The following MARK3 variants were observed in gnomAD, a reference collection of about 807,000 sequenced individuals.
MARK3 encodes microtubule affinity regulating kinase 3.
In MARK3, 46 loss-of-function variants were observed where a neutral mutation model predicts 90.1. The ratio of observed to expected loss-of-function variants is 0.51; its 90% CI spans 0.40 to 0.65. MARK3 has a LOEUF of 0.65. Among genes scored for constraint, MARK3 ranks in the 30% least tolerant of loss-of-function variants. The probability of loss-of-function intolerance (pLI) is 0.00; values close to 1 mark genes in which losing one functional copy is unlikely to be tolerated. For synonymous variants in MARK3, 321 were observed against 332.6 expected (o/e 0.97, Z 0.38); for missense variants, 818 against 947.2 (o/e 0.86, Z 1.79).
intron 2 of MARK3, among the ~76,000 whole-genome samples, chr14:103,423,939 C>T (rs965616125): frequency 4.6e-5 from 7 of 152,194 alleles, no homozygotes; most frequent in Admixed American, 3.9e-4. Flanking sequence ...GGCGCGATGG[C>T]TCATGCCTGT....
chr14:103,400,015 G>A (rs1241314197), intron 1 of MARK3, among the ~76,000 whole-genome samples: 1 of 150,460 alleles, frequency 6.6e-6, no homozygotes, highest in Non-Finnish European at 1.5e-5. Flanking sequence ...TGCAACTGTC[G>A]CCTCCCTTGT....
At chr14:103,492,952 G>T (rs17617994) in intron 15 of MARK3, among the ~76,000 whole-genome samples, 15,822 of 152,238 alleles carry the variant, frequency 0.1, 1,043 homozygotes, top group Middle Eastern at 0.19. Flanking sequence ...AGCTGTGGAT[G>T]AGTCTGTCTG....
chr14:103,489,015 G>C (rs1461608935), intron 14 of MARK3, among the ~76,000 whole-genome samples: 3 of 152,188 alleles, frequency 2.0e-5, no homozygotes, highest in Non-Finnish European at 4.4e-5. Context: ...TTACACTGGT[G>C]GGGGGCACAT....
At chr14:103,466,135 T>C (rs1037231946) in intron 9 of MARK3, 44 bp downstream of exon 9, 3 of 1,604,350 alleles carry the variant, frequency 1.9e-6, no homozygotes, top group East Asian at 2.2e-5. Context: ...GGAGAGTCTT[T>C]AGAGTGACCT....
chr14:103,428,406 A>T lies in MARK3; in HGVS notation c.263A>T (p.Asp88Val). The T allele has an allele frequency of 6.7e-7, 1 of 1,493,004 alleles. No homozygotes were observed. The highest frequency in any genetic ancestry group is 9.1e-7 in the Non-Finnish European group (1 of 1,101,174). 92.5% of individuals were successfully genotyped at this position (1,493,004 alleles called of 1,614,324 possible). Residue 88 changes from aspartate to valine, a missense_variant, in exon 3 of 18, where the codon GAC becomes GTC. Transcript: ENST00000429436. ...TTCTAGGTTGCAATAAAAATAATTG[A>T]CAAAACTCAGTTGAATCCAACAAGT... The part of the protein sequence containing the change: ...TGREVAIKII[D>V]KTQLNPTSLQ...
chr14:103,457,244 T>C, intron 6 of MARK3, 32 bp downstream of exon 6: 1 of 1,471,518 alleles, frequency 6.8e-7, no homozygotes, highest in South Asian at 1.1e-5. Context: ...CTATGTCAAT[T>C]TGATAATTTA....
At chr14:103,448,616 G>A (rs1488754962) in intron 3 of MARK3, among the ~76,000 whole-genome samples, 1 of 152,136 alleles carries the variant, frequency 6.6e-6, no homozygotes. Context: ...TTATTCCTGC[G>A]TAAGTCTGAT....
chr14:103,390,861 A>G (rs2090191253), intron 1 of MARK3, among the ~76,000 whole-genome samples: 1 of 152,010 alleles, frequency 6.6e-6, no homozygotes, highest in South Asian at 2.1e-4. Context: ...GGCGTGCCCC[A>G]CCACATGCAT....
chr14:103,440,286 C>T (rs934813822), intron 3 of MARK3, among the ~76,000 whole-genome samples: 3 of 152,168 alleles, frequency 2.0e-5, no homozygotes, highest in African/African-American at 7.2e-5. Flanking sequence ...TCTGTGTGTC[C>T]TGGCACACTT....
intron 3 of MARK3, among the ~76,000 whole-genome samples, chr14:103,448,136 G>A (rs919172822): frequency 6.6e-6 from 1 of 152,096 alleles, no homozygotes; most frequent in Non-Finnish European, 1.5e-5. Flanking sequence ...GGTTTGGCAG[G>A]GGCTGGATGC....
chr14:103,500,060 T>TA, intron 16 of MARK3, 96 bp from the exon 17 acceptor site: 2 of 930,492 alleles, frequency 2.1e-6, no homozygotes, highest in Non-Finnish European at 1.7e-6. Context: ...TTGTTCATTT[T>TA]ATGGTGTTGG....
At chr14:103,443,983 C>A (rs961208023) in intron 3 of MARK3, among the ~76,000 whole-genome samples, 3 of 151,830 alleles carry the variant, frequency 2.0e-5, no homozygotes, top group Non-Finnish European at 2.9e-5. Flanking sequence ...GAGAAGGGAG[C>A]CTGAACACCT....
At chr14:103,389,943 CAAAA>C (rs71126011) in intron 1 of MARK3, among the ~76,000 whole-genome samples, 5 of 29,614 alleles carry the variant, frequency 1.7e-4, no homozygotes, top group African/African-American at 4.0e-4. Context: ...TACTCCGTCT[CAAAA>C]AAAAAAAAAA....
At chr14:103,431,980 C>G (rs551045914) in intron 3 of MARK3, among the ~76,000 whole-genome samples, 4 of 151,850 alleles carry the variant, frequency 2.6e-5, no homozygotes, top group African/African-American at 9.7e-5. Context: ...ATTGTTTCCC[C>G]CCTCCCACCT....
intron 3 of MARK3, among the ~76,000 whole-genome samples, chr14:103,446,655 C>T (rs764136911): frequency 1.3e-5 from 2 of 150,678 alleles, no homozygotes; most frequent in Non-Finnish European, 2.9e-5. Flanking sequence ...GTTTCATTCT[C>T]AGTGCTGTGT....
At position 103,480,428 on chromosome 14, in the gene MARK3, T is replaced by G. The variant is rs375161932; in HGVS notation, c.1524T>G (p.Tyr508Ter). ...GTGGAATGACACGACGAAATACTTATGTTTGCAGTGAGAGAACTACAGCTG... is the reference window on the plus strand; with the variant it reads ...GTGGAATGACACGACGAAATACTTAGGTTTGCAGTGAGAGAACTACAGCTG... ...ASGGMTRRNTYVCSERTTADR... is the reference protein window; with the variant it reads ...ASGGMTRRNT Residue 508 changes from tyrosine (Y) to a stop codon, truncating the protein, a stop_gained, in exon 14 of 18, where the codon TAT (tyrosine) becomes TAG (stop). Coordinates refer to ENST00000429436, the MANE Select transcript of MARK3 (RefSeq NM_001128918.3). LOFTEE classifies it high-confidence loss of function. 2 of 1,613,778 alleles carry G rather than the reference T, an allele frequency of 1.2e-6. No individual in the cohort carries two copies. Among genetic ancestry groups the G allele is most frequent in the South Asian group, 2.2e-5 (2 of 91,048 alleles).
At chr14:103,462,289 C>T (rs1260478633) in intron 6 of MARK3, 116 bp from the exon 7 acceptor site, 1 of 646,952 alleles carries the variant, frequency 1.5e-6, no homozygotes, top group Non-Finnish European at 2.6e-6. Flanking sequence ...TAGAAATCCA[C>T]ACGGACATTC....
chr14:103,466,517 C>A, intron 10 of MARK3, 75 bp downstream of exon 10: 1 of 911,494 alleles, frequency 1.1e-6, no homozygotes, highest in Non-Finnish European at 1.7e-6. Flanking sequence ...ATGTCTGTGC[C>A]TAAAATGTGA....
intron 1 of MARK3, among the ~76,000 whole-genome samples, chr14:103,392,346 C>G (rs2090310612): frequency 6.6e-6 from 1 of 152,170 alleles, no homozygotes; most frequent in Non-Finnish European, 1.5e-5. Context: ...GTCTGTAACT[C>G]TCAAACTTAA....
Sources: gnomAD v4.1 joint callset for allele counts (sites outside exome capture counted in the v4.1 genomes callset) on GRCh38, gnomAD v4.1.1 for gene constraint, MANE v1.5 for transcripts, NCBI Gene and HGNC (gene_info 2026-07-23, HGNC 2026-07-21) for gene names.